Variants in RNLS observed in about 807,000 individuals in gnomAD.
RNLS encodes renalase, FAD dependent amine oxidase, also known as renalase.
RNLS carries 39 observed loss-of-function variants against 39.8 expected under a neutral mutation model. The ratio of observed to expected loss-of-function variants is 0.98; its 90% CI spans 0.76 to 1.28. The LOEUF (loss-of-function observed/expected upper bound fraction) is 1.28. Ranked by LOEUF, RNLS falls within the 50% of genes most tolerant of loss-of-function variation. The pLI is 0.00. For missense variants in RNLS, 410 were observed against 413.3 expected (o/e 0.99, Z 0.07); for synonymous variants, 147 against 150.7 (o/e 0.98, Z 0.18).
the RNLS span, among the ~76,000 whole-genome samples, chr10:88,232,478 G>A: frequency 1.7e-4 from 26 of 151,756 alleles, no homozygotes; most frequent in African/African-American, 4.8e-4. Context: ...ACAGGATATC[G>A]CTATGCTTCC....
intron 4 of RNLS, among the ~76,000 whole-genome samples, chr10:88,502,134 C>T (rs564185740): frequency 9.2e-5 from 14 of 152,076 alleles, no homozygotes; most frequent in African/African-American, 2.7e-4. Context: ...ATCAGAAACA[C>T]CCAGGGGTAC....
chr10:88,328,403 T>A (rs1029015401), intron 5 of RNLS, among the ~76,000 whole-genome samples: 17 of 152,344 alleles, frequency 1.1e-4, no homozygotes, highest in African/African-American at 3.8e-4. Flanking sequence ...AGTTTCCTGA[T>A]GTTTGAATAT....
chr10:88,278,215 T>C (rs1026077577), intron 6 of RNLS, among the ~76,000 whole-genome samples: 2 of 152,204 alleles, frequency 1.3e-5, no homozygotes, highest in African/African-American at 4.8e-5. Context: ...TAGGTGATGC[T>C]TGCCAATTTT....
intron 4 of RNLS, among the ~76,000 whole-genome samples, chr10:88,504,154 C>T (rs373531085): frequency 2.1e-4 from 32 of 152,092 alleles, no homozygotes; most frequent in African/African-American, 6.8e-4. Context: ...CATGAGAGAT[C>T]CTGAATCAAG....
chr10:88,479,583 T>C (rs990715156), intron 4 of RNLS, among the ~76,000 whole-genome samples: 5 of 152,010 alleles, frequency 3.3e-5, no homozygotes, highest in African/African-American at 1.2e-4. Context: ...TCATCATCAT[T>C]GGATTTGTCT....
chr10:88,270,938 G>C (rs1054232189), downstream of RNLS, among the ~76,000 whole-genome samples: 1 of 152,180 alleles, frequency 6.6e-6, no homozygotes, highest in African/African-American at 2.4e-5. Flanking sequence ...AGAGAGCCAG[G>C]CTCTCGCAGG....
intron 4 of RNLS, among the ~76,000 whole-genome samples, chr10:88,537,420 G>A (rs1023805757): frequency 4.6e-5 from 7 of 152,114 alleles, no homozygotes; most frequent in East Asian, 1.9e-4. Context: ...TCACAGGAGC[G>A]CTATTTATAA....
chr10:88,485,992 A>C (rs956051031), intron 4 of RNLS, among the ~76,000 whole-genome samples: 17 of 152,174 alleles, frequency 1.1e-4, no homozygotes, highest in African/African-American at 3.6e-4. Context: ...CAAAATTAAA[A>C]ATTTTTATTT....
At chr10:88,320,152 G>GA (rs79967084) in intron 5 of RNLS, among the ~76,000 whole-genome samples, 140 of 133,404 alleles carry the variant, frequency 1.0e-3, no homozygotes, top group East Asian at 2.4e-3. Context: ...CTCTCTAAAG[G>GA]AAAAAAAAAA....
chr10:88,557,639 T>G (rs1447890860), intron 4 of RNLS, among the ~76,000 whole-genome samples: 1 of 152,204 alleles, frequency 6.6e-6, no homozygotes, highest in African/African-American at 2.4e-5. Flanking sequence ...CCTTCCTCTC[T>G]TTTCACTAAT....
chr10:88,424,269 A>C (rs556584109), intron 4 of RNLS, among the ~76,000 whole-genome samples: 1 of 152,320 alleles, frequency 6.6e-6, no homozygotes, highest in South Asian at 2.1e-4. Flanking sequence ...TGAATGGAAA[A>C]TGGAGATAGC....
intron 5 of RNLS, among the ~76,000 whole-genome samples, chr10:88,361,549 G>C (rs541256874): frequency 6.6e-6 from 1 of 152,280 alleles, no homozygotes; most frequent in East Asian, 1.9e-4. Flanking sequence ...ATGAACTGCT[G>C]ATTGTACATA....
intron 4 of RNLS, among the ~76,000 whole-genome samples, chr10:88,454,210 G>T (rs928095519): frequency 2.6e-5 from 4 of 152,164 alleles, no homozygotes; most frequent in Non-Finnish European, 4.4e-5. Flanking sequence ...ATTCAAGAAA[G>T]ATGTATTCAA....
At chr10:88,546,858 G>A (rs1848338787) in intron 4 of RNLS, among the ~76,000 whole-genome samples, 1 of 151,014 alleles carries the variant, frequency 6.6e-6, no homozygotes, top group African/African-American at 2.4e-5. Context: ...CTACTTCAAA[G>A]GCAGCCAGAC....
At chr10:88,276,624 C>A (rs1170485427) in intron 6 of RNLS, among the ~76,000 whole-genome samples, 2 of 152,062 alleles carry the variant, frequency 1.3e-5, no homozygotes, top group Admixed American at 6.6e-5. Flanking sequence ...TGATTTGTAT[C>A]AATTCCTGAA....
At chr10:88,469,633 G>A (rs1442168289) in intron 4 of RNLS, among the ~76,000 whole-genome samples, 6 of 152,208 alleles carry the variant, frequency 3.9e-5, no homozygotes, top group African/African-American at 9.6e-5. Context: ...AGGAGAGGAC[G>A]CAGTATACAG....
chr10:88,565,424 T>C (rs570960621), intron 4 of RNLS, among the ~76,000 whole-genome samples: 43 of 152,322 alleles, frequency 2.8e-4, no homozygotes, highest in African/African-American at 8.4e-4. Context: ...CATGTTTTAA[T>C]CCCTTTGATT....
At chr10:88,421,110 C>T (rs1369184259) in intron 4 of RNLS, among the ~76,000 whole-genome samples, 1 of 152,244 alleles carries the variant, frequency 6.6e-6, no homozygotes, top group Non-Finnish European at 1.5e-5. Flanking sequence ...AAGCCTATCA[C>T]TCTCTGCCAG....
chr10:88,321,945 A>G lies in RNLS; in HGVS notation c.701-7304T>C, dbSNP rs997170805. 2.6e-5 allele frequency among the ~76,000 whole-genome samples: 4 copies of G among 152,320 alleles called. No homozygotes were observed. In the South Asian group the frequency reaches 8.3e-4, roughly 32 times the overall value. Reference sequence around the variant, plus strand: ...ACTGAGGCGGAGGCATTCTTCCCCAACTCATTCTATGAAACCAGTATCATC... The same window carrying G: ...ACTGAGGCGGAGGCATTCTTCCCCAGCTCATTCTATGAAACCAGTATCATC... On this transcript the variant is annotated intron_variant, in intron 5 of 6. Transcript: ENST00000331772.
Sources: gnomAD v4.1 joint callset for allele counts (sites outside exome capture counted in the v4.1 genomes callset) on GRCh38, gnomAD v4.1.1 for gene constraint, MANE v1.5 for transcripts, NCBI Gene and HGNC (gene_info 2026-07-23, HGNC 2026-07-21) for gene names.